Variants in FMN1 observed in about 807,000 individuals in gnomAD.
FMN1 encodes formin 1, also known as formin-1.
A neutral mutation model predicts 132.4 loss-of-function variants in FMN1; 110 were observed. The observed-to-expected ratio is 0.83, with a 90% CI of 0.71 to 0.97. The LOEUF (loss-of-function observed/expected upper bound fraction) is 0.97, where lower values mean the gene tolerates loss of function less well. Among genes scored for constraint, FMN1 ranks in the 50% least tolerant of loss-of-function variants. The pLI is 0.00. For missense variants in FMN1, 1,792 were observed against 1,705.3 expected, an observed-to-expected ratio of 1.05 and a Z score of -0.90; for synonymous variants, 722 against 651.7, an observed-to-expected ratio of 1.11 and a Z score of -1.64.
At chr15:33,105,518 CA>C (rs1275590306) in intron 4 of FMN1, among the ~76,000 whole-genome samples, 2 of 152,000 alleles carry the variant, frequency 1.3e-5, no homozygotes, top group Non-Finnish European at 2.9e-5. Flanking sequence ...GAATCCAGAC[CA>C]GCTGAAATGC....
intron 7 of FMN1, among the ~76,000 whole-genome samples, chr15:32,990,160 C>G (rs906197570): frequency 1.3e-5 from 2 of 152,030 alleles, no homozygotes; most frequent in Admixed American, 1.3e-4. Flanking sequence ...ATAAATAGGT[C>G]TGAAAAGCAC....
intron 9 of FMN1, among the ~76,000 whole-genome samples, chr15:32,954,716 C>G (rs952080785): frequency 6.6e-6 from 1 of 152,126 alleles, no homozygotes; most frequent in Non-Finnish European, 1.5e-5. Flanking sequence ...AAGTAATTAA[C>G]AACACAAGGC....
intron 10 of FMN1, among the ~76,000 whole-genome samples, chr15:32,914,887 G>A (rs148111377): frequency 2.6e-5 from 4 of 152,318 alleles, no homozygotes; most frequent in African/African-American, 7.2e-5. Flanking sequence ...GTCCCCCAGG[G>A]ACTGGGAAAG....
At chr15:32,955,234 G>GA (rs2061738135) in intron 9 of FMN1, among the ~76,000 whole-genome samples, 1 of 152,126 alleles carries the variant, frequency 6.6e-6, no homozygotes, top group African/African-American at 2.4e-5. Context: ...ATCTCCACTT[G>GA]AATGACATCA....
intron 17 of FMN1, among the ~76,000 whole-genome samples, chr15:32,846,192 A>G (rs1180416024): frequency 6.6e-6 from 1 of 152,196 alleles, no homozygotes; most frequent in Non-Finnish European, 1.5e-5. Context: ...ATTCTTACTA[A>G]AATAATAAAA....
In FMN1 at chr15:32,774,088, C is replaced by A. The variant is rs1222941005; in HGVS notation, c.*222G>T. 7.5e-6 allele frequency: 4 copies of A among 534,046 alleles called. No individual in the cohort carries two copies. The highest frequency in any genetic ancestry group is 1.3e-5 in the Non-Finnish European group (4 of 306,086). 33.1% of individuals were successfully genotyped at this position (534,046 alleles called of 1,614,324 possible). ...CACAAGAAACAGTCATCAAATATTT[C>A]TGCAATGTTCCCTTAAATAGTTTTC... On this transcript the variant is annotated 3_prime_UTR_variant, in exon 21 of 21. Transcript: ENST00000616417.
intron 6 of FMN1, among the ~76,000 whole-genome samples, chr15:33,009,148 G>C (rs544442224): frequency 5.9e-5 from 9 of 152,278 alleles, no homozygotes; most frequent in African/African-American, 1.2e-4. Context: ...CCATCAGAAA[G>C]TTCTGTGGGT....
chr15:33,012,902 T>C (rs1360983162), intron 6 of FMN1: 3 of 560,922 alleles, frequency 5.3e-6, no homozygotes, highest in Admixed American at 2.0e-5. Context: ...TACAATGATT[T>C]TGGCAATTAA....
At chr15:32,964,455 C>CA (rs1000535144) in intron 8 of FMN1, among the ~76,000 whole-genome samples, 198 bp from the exon 9 acceptor site, 15 of 152,144 alleles carry the variant, frequency 9.9e-5, no homozygotes, top group African/African-American at 3.6e-4. Flanking sequence ...AAAACACACA[C>CA]AGACGTATTT....
At chr15:32,790,399 C>G (rs910383043) in intron 19 of FMN1, among the ~76,000 whole-genome samples, 5 of 152,168 alleles carry the variant, frequency 3.3e-5, no homozygotes, top group Non-Finnish European at 1.5e-5. Flanking sequence ...CCAAAGCCTA[C>G]CTGGTACATG....
intron 19 of FMN1, among the ~76,000 whole-genome samples, chr15:32,783,952 G>A (rs2056762942): frequency 6.6e-6 from 1 of 152,026 alleles, no homozygotes; most frequent in Non-Finnish European, 1.5e-5. Flanking sequence ...TGAGACTGAG[G>A]AAGTACCAAG....
chr15:32,831,759 T>C (rs973053062), intron 17 of FMN1, among the ~76,000 whole-genome samples: 8 of 147,986 alleles, frequency 5.4e-5, no homozygotes, highest in South Asian at 2.2e-4. Context: ...TTTTTTTTTT[T>C]CTAACTTCTG....
intron 4 of FMN1, among the ~76,000 whole-genome samples, chr15:33,095,403 T>C (rs1302247990): frequency 6.6e-6 from 1 of 152,066 alleles, no homozygotes; most frequent in Non-Finnish European, 1.5e-5. Context: ...AAAACATGTA[T>C]ATATATTTTT....
intron 5 of FMN1, among the ~76,000 whole-genome samples, chr15:33,080,473 C>T (rs963822689): frequency 7.2e-5 from 11 of 152,194 alleles, no homozygotes; most frequent in African/African-American, 2.7e-4. Context: ...CAGAGACTGG[C>T]CAGGTGCAGT....
At chr15:33,121,769 G>C (rs1962581471) in intron 4 of FMN1, among the ~76,000 whole-genome samples, 1 of 152,104 alleles carries the variant, frequency 6.6e-6, no homozygotes, top group African/African-American at 2.4e-5. Context: ...CCCCTCAAGT[G>C]ATCCGCCTGC....
intron 13 of FMN1, among the ~76,000 whole-genome samples, chr15:32,900,459 T>C (rs1029864255): frequency 6.6e-6 from 1 of 152,246 alleles, no homozygotes; most frequent in African/African-American, 2.4e-5. Flanking sequence ...TTGGTATATA[T>C]AGTAAGGCTT....
At chr15:33,100,652 A>G (rs900848395) in intron 4 of FMN1, among the ~76,000 whole-genome samples, 11 of 152,226 alleles carry the variant, frequency 7.2e-5, no homozygotes, top group Admixed American at 1.3e-4. Flanking sequence ...CCCTGTTCTA[A>G]AATATTAAAC....
intron 4 of FMN1, among the ~76,000 whole-genome samples, chr15:33,110,415 T>C (rs1177401354): frequency 6.6e-6 from 1 of 152,114 alleles, no homozygotes; most frequent in East Asian, 1.9e-4. Context: ...TGGAAATAAA[T>C]GTAAATTTTA....
intron 16 of FMN1, among the ~76,000 whole-genome samples, chr15:32,874,866 T>A (rs1374546598): frequency 6.6e-6 from 1 of 152,156 alleles, no homozygotes; most frequent in Non-Finnish European, 1.5e-5. Flanking sequence ...ACCCGGAGAT[T>A]TGATGACACT....
Sources: gnomAD v4.1 joint callset for allele counts (sites outside exome capture counted in the v4.1 genomes callset) on GRCh38, gnomAD v4.1.1 for gene constraint, MANE v1.5 for transcripts, NCBI Gene and HGNC (gene_info 2026-07-23, HGNC 2026-07-21) for gene names.